SMYD3: variants seen among roughly 807,000 people sequenced by gnomAD.
SMYD3 encodes the protein histone-lysine N-methyltransferase SMYD3.
In SMYD3, 36 loss-of-function variants were observed where a neutral mutation model predicts 57.7. That is an observed-to-expected ratio of 0.62 (90% CI 0.48 to 0.82). SMYD3 has a LOEUF of 0.82. Among genes scored for constraint, SMYD3 ranks in the 40% least tolerant of loss-of-function variants. The pLI is 0.00. For missense variants in SMYD3, 515 were observed against 538.8 expected, an observed-to-expected ratio of 0.96 and a Z score of 0.44; for synonymous variants, 211 against 195.0, an observed-to-expected ratio of 1.08 and a Z score of -0.68.
intron 10 of SMYD3, among the ~76,000 whole-genome samples, chr1:245,853,645 T>A (rs1039191852): frequency 6.6e-6 from 1 of 152,200 alleles, no homozygotes; most frequent in Non-Finnish European, 1.5e-5. Flanking sequence ...AAAAGCCTGC[T>A]TGAAAACAGT....
chr1:246,297,807 C>T (rs935031065), intron 5 of SMYD3, among the ~76,000 whole-genome samples: 3 of 152,082 alleles, frequency 2.0e-5, no homozygotes, highest in African/African-American at 7.2e-5. Flanking sequence ...CCTTCTAAGA[C>T]TTCCATTTCA....
At chr1:245,776,471 T>C (rs2046602082) in intron 10 of SMYD3, among the ~76,000 whole-genome samples, 1 of 152,214 alleles carries the variant, frequency 6.6e-6, no homozygotes, top group Non-Finnish European at 1.5e-5. Flanking sequence ...GAAGATGAAA[T>C]ATAGTTTGGC....
intron 5 of SMYD3, among the ~76,000 whole-genome samples, chr1:246,228,654 A>G (rs1474991421): frequency 6.6e-6 from 1 of 152,186 alleles, no homozygotes; most frequent in Non-Finnish European, 1.5e-5. Flanking sequence ...CTGAAGTGAC[A>G]ATCTAGGTTC....
chr1:246,406,983 G>C (rs1386638530), intron 1 of SMYD3, among the ~76,000 whole-genome samples: 1 of 152,186 alleles, frequency 6.6e-6, no homozygotes, highest in Non-Finnish European at 1.5e-5. Flanking sequence ...TCATTGTCCT[G>C]TCTTCTGACT....
At chr1:246,368,459 T>C (rs1175737957) in intron 1 of SMYD3, among the ~76,000 whole-genome samples, 1 of 152,174 alleles carries the variant, frequency 6.6e-6, no homozygotes. Context: ...CAGAATCCAC[T>C]TTAAACTTCC....
At chr1:246,089,052 C>T (rs1039372548) in intron 5 of SMYD3, among the ~76,000 whole-genome samples, 10 of 152,096 alleles carry the variant, frequency 6.6e-5, no homozygotes, top group African/African-American at 1.7e-4. Context: ...GGCGTAAACA[C>T]GGCTCACTGT....
At chr1:246,049,552 A>T (rs952395030) in intron 5 of SMYD3, among the ~76,000 whole-genome samples, 2 of 150,936 alleles carry the variant, frequency 1.3e-5, no homozygotes, top group Non-Finnish European at 2.9e-5. Context: ...TGATCCGCCC[A>T]TCTCGGCCTC....
At chr1:246,247,636 G>T (rs2063730898) in intron 5 of SMYD3, among the ~76,000 whole-genome samples, 1 of 151,878 alleles carries the variant, frequency 6.6e-6, no homozygotes, top group African/African-American at 2.4e-5. Flanking sequence ...AGAGAGGCTA[G>T]CTGCGGCTCC....
intron 1 of SMYD3, among the ~76,000 whole-genome samples, chr1:246,367,979 G>A (rs2066134960): frequency 6.6e-6 from 1 of 152,170 alleles, no homozygotes; most frequent in South Asian, 2.1e-4. Context: ...TCATATCAAA[G>A]AAAATTCTTA....
intron 10 of SMYD3, among the ~76,000 whole-genome samples, chr1:245,780,323 G>A (rs958238484): frequency 2.6e-5 from 4 of 152,058 alleles, no homozygotes; most frequent in African/African-American, 4.8e-5. Flanking sequence ...TCCGTATGGT[G>A]GAATATTATT....
intron 5 of SMYD3, among the ~76,000 whole-genome samples, chr1:246,010,302 C>CCTG (rs2059259466): frequency 6.6e-6 from 1 of 151,938 alleles, no homozygotes; most frequent in Non-Finnish European, 1.5e-5. Context: ...AAAGTGACCC[C>CCTG]CTGCTCTTGT....
intron 8 of SMYD3, among the ~76,000 whole-genome samples, chr1:245,888,072 T>A (rs2053183210): frequency 6.6e-6 from 1 of 152,238 alleles, no homozygotes; most frequent in South Asian, 2.1e-4. Flanking sequence ...ATTCTAGTCC[T>A]TGTTGGGGTG....
intron 5 of SMYD3, among the ~76,000 whole-genome samples, chr1:245,951,600 G>C (rs1392605766): frequency 2.0e-5 from 3 of 148,492 alleles, no homozygotes; most frequent in Admixed American, 1.3e-4. Context: ...CCATGATATA[G>C]TCAATTCCTA....
intron 1 of SMYD3, among the ~76,000 whole-genome samples, chr1:246,496,570 G>A (rs1048708161): frequency 3.3e-5 from 5 of 152,152 alleles, no homozygotes; most frequent in Non-Finnish European, 7.3e-5. Context: ...GCTCATGCCT[G>A]TAGTCCCAGC....
chr1:246,125,942 C>G (rs2061502271), intron 5 of SMYD3, among the ~76,000 whole-genome samples: 1 of 151,972 alleles, frequency 6.6e-6, no homozygotes, highest in Non-Finnish European at 1.5e-5. Flanking sequence ...ATTTTATACA[C>G]AACAAACTTT....
chr1:245,814,214 G>T (rs2048658567), intron 10 of SMYD3: 1 of 211,520 alleles, frequency 4.7e-6, no homozygotes, highest in Non-Finnish European at 8.2e-6. Context: ...CAGTTCTGAG[G>T]ACAAGGACCT....
chr1:245,905,392 G>C (rs1197993704), intron 8 of SMYD3, among the ~76,000 whole-genome samples: 1 of 152,130 alleles, frequency 6.6e-6, no homozygotes, highest in Non-Finnish European at 1.5e-5. Context: ...TTCACCACGA[G>C]CTGACTTTAG....
intron 10 of SMYD3, among the ~76,000 whole-genome samples, chr1:245,855,364 G>A (rs1237554810): frequency 6.6e-6 from 1 of 152,124 alleles, no homozygotes; most frequent in East Asian, 1.9e-4. Context: ...GCTATCAAAG[G>A]CTGAGTAGAC....
At chr1:246,226,576 G>A (rs556389649) in intron 5 of SMYD3, among the ~76,000 whole-genome samples, 9 of 152,244 alleles carry the variant, frequency 5.9e-5, no homozygotes, top group South Asian at 2.1e-4. Flanking sequence ...TCACTGCAGC[G>A]TCTGCCACCA....
Sources: allele counts gnomAD v4.1 joint callset (sites outside exome capture counted in the v4.1 genomes callset), GRCh38; gene constraint gnomAD v4.1.1; transcripts MANE v1.5; gene names NCBI Gene and HGNC (gene_info 2026-07-23, HGNC 2026-07-21).